Variants in RIMS2 observed in about 807,000 individuals in gnomAD.
RIMS2 encodes the protein regulating synaptic membrane exocytosis protein 2.
In RIMS2, 59 loss-of-function variants were observed where a neutral mutation model predicts 174.4. The observed-to-expected ratio is 0.34, with a 90% confidence interval of 0.27 to 0.42. RIMS2 has a LOEUF of 0.42. Ranked by LOEUF, RIMS2 falls within the 10% of genes least tolerant of loss-of-function variation. The pLI, the probability that RIMS2 is intolerant of heterozygous loss-of-function variation, is 1.00. For missense variants in RIMS2, 1,620 were observed against 1,666.3 expected (o/e 0.97, Z 0.48); for synonymous variants, 606 against 572.5 (o/e 1.06, Z -0.84).
intron 3 of RIMS2, among the ~76,000 whole-genome samples, chr8:103,792,448 AAAT>A (rs2098508346): frequency 1.3e-5 from 2 of 152,178 alleles, no homozygotes; most frequent in South Asian, 4.1e-4. Flanking sequence ...TTATAGCACT[AAAT>A]GCCCACAAGA....
chr8:104,249,409 T>C, intron 21 of RIMS2, 78 bp from the exon 28 acceptor site: 1 of 693,044 alleles, frequency 1.4e-6, no homozygotes, highest in Non-Finnish European at 2.5e-6. Context: ...GAAACGATGT[T>C]AAACCAAGGT....
chr8:103,658,713 C>T (rs1272841883), intron 1 of RIMS2, among the ~76,000 whole-genome samples: 2 of 152,088 alleles, frequency 1.3e-5, no homozygotes, highest in East Asian at 3.8e-4. Flanking sequence ...ATTAGCATGA[C>T]TTACCACACT....
intron 1 of RIMS2, among the ~76,000 whole-genome samples, chr8:103,592,563 A>G (rs1021119122): frequency 6.6e-6 from 1 of 151,484 alleles, no homozygotes; most frequent in Non-Finnish European, 1.5e-5. Context: ...GACATAGAAC[A>G]GTGGTTCTCA....
At chr8:103,679,895 A>T (rs1183241626) in intron 1 of RIMS2, among the ~76,000 whole-genome samples, 1 of 152,076 alleles carries the variant, frequency 6.6e-6, no homozygotes. Flanking sequence ...CCTGCCTGCT[A>T]TCTGCTTTTG....
chr8:103,888,808 A>G (rs76911070), intron 4 of RIMS2, among the ~76,000 whole-genome samples: 1 of 151,594 alleles, frequency 6.6e-6, no homozygotes, highest in Non-Finnish European at 1.5e-5. Flanking sequence ...ACTTTTTTTT[A>G]TTCCAAAACT....
At chr8:103,826,842 A>G (rs1165064234) in intron 3 of RIMS2, among the ~76,000 whole-genome samples, 1 of 151,394 alleles carries the variant, frequency 6.6e-6, no homozygotes, top group South Asian at 2.1e-4. Flanking sequence ...TTTTGTAGAG[A>G]CAAAACTTTT....
At chr8:103,643,128 G>T (rs1449080462) in intron 1 of RIMS2, among the ~76,000 whole-genome samples, 1 of 151,580 alleles carries the variant, frequency 6.6e-6, no homozygotes, top group Non-Finnish European at 1.5e-5. Flanking sequence ...TTCAGTTTTA[G>T]AAGTTTTTAT....
chr8:103,550,604 T>G (rs1321461592), intron 1 of RIMS2, among the ~76,000 whole-genome samples: 1 of 150,652 alleles, frequency 6.6e-6, no homozygotes, highest in Non-Finnish European at 1.5e-5. Flanking sequence ...ATAACTAAGA[T>G]CAGAGCAGAA....
chr8:103,768,660 T>A, intron 3 of RIMS2: 1 of 824,534 alleles, frequency 1.2e-6, no homozygotes, highest in Non-Finnish European at 2.2e-6. Context: ...TGACTGATAC[T>A]ACGATGCCTC....
At chr8:104,003,943 TC>T (rs2095481934) in intron 17 of RIMS2, among the ~76,000 whole-genome samples, 1 of 152,098 alleles carries the variant, frequency 6.6e-6, no homozygotes, top group Non-Finnish European at 1.5e-5. Flanking sequence ...TAAATTAAAA[TC>T]AGCAATACTT....
chr8:104,165,334 T>A (rs2098790505), intron 19 of RIMS2, among the ~76,000 whole-genome samples: 1 of 152,208 alleles, frequency 6.6e-6, no homozygotes, highest in South Asian at 2.1e-4. Flanking sequence ...CTCACAGGTT[T>A]ACATACTGGA....
At chr8:103,944,103 C>T (rs965122256) in intron 14 of RIMS2, among the ~76,000 whole-genome samples, 2 of 151,962 alleles carry the variant, frequency 1.3e-5, no homozygotes, top group Admixed American at 1.3e-4. Context: ...TTTAAAATAA[C>T]CTCTCTAATT....
At chr8:104,062,223 G>A (rs1010264466) in intron 19 of RIMS2, among the ~76,000 whole-genome samples, 6 of 152,042 alleles carry the variant, frequency 3.9e-5, no homozygotes, top group Non-Finnish European at 8.8e-5. Flanking sequence ...GGCCAACATG[G>A]TGAACTCCTG....
intron 19 of RIMS2, among the ~76,000 whole-genome samples, chr8:104,147,996 T>G (rs1035113943): frequency 6.6e-6 from 1 of 152,156 alleles, no homozygotes; most frequent in Non-Finnish European, 1.5e-5. Flanking sequence ...TTTCTTTATT[T>G]TTGTAATATA....
chr8:104,081,985 TTTCAGTGGTCA>T (rs1390296079), intron 19 of RIMS2, among the ~76,000 whole-genome samples: 1 of 152,046 alleles, frequency 6.6e-6, no homozygotes, highest in Non-Finnish European at 1.5e-5. Context: ...TTTTTTTCAA[TTTCAGTGGTCA>T]TTCAGTGGTC....
At chr8:103,873,443 T>G (rs1275976729) in intron 3 of RIMS2, among the ~76,000 whole-genome samples, 1 of 152,108 alleles carries the variant, frequency 6.6e-6, no homozygotes, top group Non-Finnish European at 1.5e-5. Flanking sequence ...ACAATTTCTG[T>G]TTTGTCAGTA....
chr8:103,828,062 T>A lies in RIMS2; in HGVS notation c.699-57236T>A, dbSNP rs116630767. ...CTGGGTTAAATACCACCTCATGGGA[T>A]ACTTACAATTTTATATATTGCTGGT... On this transcript the variant is annotated intron_variant, in intron 3 of 23. Transcript: ENST00000504942. 6.1e-3 allele frequency among the ~76,000 whole-genome samples: 936 copies of A among 152,330 alleles called. 12 individuals are homozygous for A. Among genetic ancestry groups the A allele is most frequent in the African/African-American group, 0.021 (886 of 41,594 alleles).
chr8:104,034,019 A>G (rs1194207428), intron 19 of RIMS2, among the ~76,000 whole-genome samples: 2 of 152,194 alleles, frequency 1.3e-5, no homozygotes, highest in African/African-American at 4.8e-5. Flanking sequence ...CTGAAATCTA[A>G]GAAACCCACT....
At chr8:103,617,058 G>A (rs770800964) in intron 1 of RIMS2, among the ~76,000 whole-genome samples, 203 of 152,106 alleles carry the variant, frequency 1.3e-3, no homozygotes, top group Non-Finnish European at 1.8e-3. Flanking sequence ...CCCAGATAGC[G>A]AAGGCAATCC....
Sources: allele counts gnomAD v4.1 joint callset (sites outside exome capture counted in the v4.1 genomes callset), GRCh38; gene constraint gnomAD v4.1.1; transcripts MANE v1.5; gene names NCBI Gene and HGNC (gene_info 2026-07-23, HGNC 2026-07-21).